TGM6: variants seen among roughly 807,000 people sequenced by gnomAD.
TGM6 encodes protein-glutamine gamma-glutamyltransferase 6.
Under a neutral mutation model 77.5 loss-of-function variants are expected in TGM6, and 74 were observed. That is an observed-to-expected ratio of 0.96 (90% CI 0.79 to 1.16). TGM6 has a LOEUF of 1.16. TGM6 is among the 50% of genes most tolerant of loss of function. The probability of loss-of-function intolerance (pLI) is 0.00; values close to 1 mark genes in which losing one functional copy is unlikely to be tolerated. For missense variants in TGM6, 968 were observed against 940.2 expected, an observed-to-expected ratio of 1.03 and a Z score of -0.39; for synonymous variants, 383 against 378.9, an observed-to-expected ratio of 1.01 and a Z score of -0.12.
chr20:2,415,862 A>C (rs1246083142), intron 9 of TGM6, among the ~76,000 whole-genome samples: 1 of 152,102 alleles, frequency 6.6e-6, no homozygotes, highest in Non-Finnish European at 1.5e-5. Context: ...CTCAAAAGAG[A>C]GGTCTGCACT....
intron 2 of TGM6, 88 bp from the exon 3 acceptor site, chr20:2,395,106 G>T: frequency 6.4e-7 from 1 of 1,560,502 alleles, no homozygotes; most frequent in East Asian, 2.3e-5. Context: ...GGGTGAAGGT[G>T]GGGCTTCCAG....
At chr20:2,392,322 T>C (rs1162019103) in intron 1 of TGM6, among the ~76,000 whole-genome samples, 1 of 152,192 alleles carries the variant, frequency 6.6e-6, no homozygotes, top group Admixed American at 6.5e-5. Context: ...ACTCATCCAA[T>C]TTAAGACTCA....
intron 9 of TGM6, among the ~76,000 whole-genome samples, chr20:2,404,502 C>G (rs1181823002): frequency 2.0e-5 from 3 of 152,070 alleles, no homozygotes; most frequent in Non-Finnish European, 4.4e-5. Flanking sequence ...TGAATTAGAC[C>G]CTGTCTCCTC....
chr20:2,404,653 T>C (rs1253299730), intron 9 of TGM6, among the ~76,000 whole-genome samples: 1 of 151,946 alleles, frequency 6.6e-6, no homozygotes, highest in East Asian at 1.9e-4. Flanking sequence ...TTTTTTTTTT[T>C]CTTTGAGACA....
chr20:2,395,234 C>G lies in TGM6; in HGVS notation c.222C>G (p.Phe74Leu), dbSNP rs1285996245. ...ASEALHTKAV[F>L]QTSELERGEG... is the part of the protein sequence containing the mutation. ...AGGCCCTCCACACCAAAGCTGTGTT[C>G]CAGACATCGGAGCTGGAGCGGGGTG... Residue 74 changes from phenylalanine to leucine, a missense_variant, in exon 3 of 13, where the codon TTC (phenylalanine) becomes TTG (leucine). By Grantham distance (22) the Phe-to-Leu change is conservative (BLOSUM62 0). Coordinates refer to ENST00000202625, the MANE Select transcript of TGM6 (RefSeq NM_198994.3). 3.7e-6 allele frequency: 6 copies of G among 1,613,890 alleles called. No homozygotes were observed. Among genetic ancestry groups the G allele is most frequent in the Non-Finnish European group, 5.1e-6 (6 of 1,180,038 alleles).
intron 1 of TGM6, among the ~76,000 whole-genome samples, chr20:2,392,847 G>A (rs2084637843): frequency 6.6e-6 from 1 of 152,210 alleles, no homozygotes; most frequent in African/African-American, 2.4e-5. Context: ...AGATTGCAGT[G>A]ATCCGAGATT....
intron 9 of TGM6, among the ~76,000 whole-genome samples, chr20:2,408,559 G>A (rs542142620): frequency 6.6e-6 from 1 of 152,284 alleles, no homozygotes; most frequent in Admixed American, 6.5e-5. Flanking sequence ...AGCATCAACT[G>A]CATAGTAGGT....
At chr20:2,385,074 G>A (rs1279193384) in intron 1 of TGM6, among the ~76,000 whole-genome samples, 1 of 152,184 alleles carries the variant, frequency 6.6e-6, no homozygotes, top group Non-Finnish European at 1.5e-5. Context: ...CAGAGGTACG[G>A]CAAGCTGGGA....
At chr20:2,397,398 G>C (rs2084676468) in intron 4 of TGM6, among the ~76,000 whole-genome samples, 1 of 152,154 alleles carries the variant, frequency 6.6e-6, no homozygotes, top group South Asian at 2.1e-4. Flanking sequence ...GGGTTTAAAG[G>C]CTTTGGGATT....
At chr20:2,390,984 T>G (rs150009219) in intron 1 of TGM6, among the ~76,000 whole-genome samples, 267 of 152,058 alleles carry the variant, frequency 1.8e-3, no homozygotes, top group African/African-American at 6.2e-3. Context: ...GATATCAAAG[T>G]GCTCAATCTT....
chr20:2,400,621 TGTA>T (rs1371819964), intron 7 of TGM6, among the ~76,000 whole-genome samples, 177 bp downstream of exon 7: 1 of 151,498 alleles, frequency 6.6e-6, no homozygotes, highest in Non-Finnish European at 1.5e-5. Flanking sequence ...TCTTCCAAGA[TGTA>T]AGGTCTGAGG....
intron 1 of TGM6, among the ~76,000 whole-genome samples, chr20:2,383,416 A>G (rs1185180127): frequency 6.6e-6 from 1 of 152,200 alleles, no homozygotes; most frequent in Non-Finnish European, 1.5e-5. Context: ...TGTTCTGCAC[A>G]TGGACCCTTC....
chr20:2,399,473 G>A (rs544839868), intron 5 of TGM6, 88 bp from the exon 6 acceptor site: 38 of 1,596,972 alleles, frequency 2.4e-5, no homozygotes, highest in Admixed American at 8.3e-5. Context: ...GGACCTGGTG[G>A]TCCAAAGTTG....
At chr20:2,427,071 C>T (rs187245827) in intron 10 of TGM6, among the ~76,000 whole-genome samples, 4 of 144,546 alleles carry the variant, frequency 2.8e-5, no homozygotes, top group South Asian at 2.3e-4. Flanking sequence ...TAGAGAATTG[C>T]TATAATTTTT....
intron 9 of TGM6, among the ~76,000 whole-genome samples, chr20:2,407,060 A>C (rs1057296468): frequency 1.3e-5 from 2 of 152,158 alleles, no homozygotes; most frequent in Non-Finnish European, 2.9e-5. Context: ...AGGAGAAGAC[A>C]GATGTACAGA....
chr20:2,396,502 T>A lies in TGM6; in HGVS notation c.425-4T>A, dbSNP rs889953163. ...CCACACCGGGCCTGATGACTGCTTT[T>A]CAGAGGACGATGTGTTTCTGGCCTC... is the stretch of plus-strand genomic sequence containing the variant. On this transcript the variant is annotated splice_region_variant and splice_polypyrimidine_tract_variant and intron_variant, in intron 3 of 12. Coordinates refer to ENST00000202625, the MANE Select transcript of TGM6 (RefSeq NM_198994.3). The A allele has an allele frequency of 6.2e-7, 1 of 1,614,130 alleles. No homozygotes were observed. Among genetic ancestry groups the A allele is most frequent in the Non-Finnish European group, 8.5e-7 (1 of 1,179,974 alleles).
chr20:2,422,875 G>A (rs551262238), intron 10 of TGM6, among the ~76,000 whole-genome samples: 54 of 151,460 alleles, frequency 3.6e-4, no homozygotes, highest in African/African-American at 1.2e-3. Context: ...ACTTGAGCCC[G>A]GGAGTTCAAG....
rs371688919 is a variant in TGM6 at position 2,421,348 on chromosome 20, T to C, written c.1678+3775T>C. 4.6e-5 allele frequency among the ~76,000 whole-genome samples: 7 copies of C among 152,354 alleles called. No individual in the cohort carries two copies. In the South Asian group the frequency reaches 1.0e-3, roughly 23 times the overall value. Reference sequence around the variant, plus strand: ...CTTGCTGCACCTTATGGTAAGAGTATGTTTTGGTAAGAAACTGACAAACTG... The same window carrying C: ...CTTGCTGCACCTTATGGTAAGAGTACGTTTTGGTAAGAAACTGACAAACTG... On this transcript the variant is annotated intron_variant, in intron 10 of 12. Transcript: ENST00000202625.
Position 2,403,715 on chromosome 20 carries a change from C to A in TGM6, c.1228C>A (p.Arg410=). 1 of 1,614,150 alleles carries A rather than the reference C, an allele frequency of 6.2e-7. No homozygotes were observed. Among genetic ancestry groups the A allele is most frequent in the Non-Finnish European group, 8.5e-7 (1 of 1,180,040 alleles). ...CTGGCTGTGGCACGAGGATGAGAGC[C>A]GGGAGCGTGTATACTCAAACACGAA... ...ITWLWHEDES[R]ERVYSNTKKI... is the part of the protein sequence containing the mutation. The change falls in exon 9 of 13, where the codon CGG becomes AGG. Residue 410 remains arginine, a synonymous_variant. Transcript: ENST00000202625.
Sources: gnomAD v4.1 joint callset for allele counts (sites outside exome capture counted in the v4.1 genomes callset) on GRCh38, gnomAD v4.1.1 for gene constraint, MANE v1.5 for transcripts, NCBI Gene and HGNC (gene_info 2026-07-23, HGNC 2026-07-21) for gene names.